GPC6: variants seen among roughly 807,000 people sequenced by gnomAD.
GPC6 encodes glypican 6, also known as glypican-6.
In GPC6, 14 loss-of-function variants were observed where a neutral mutation model predicts 55.2. That is an observed-to-expected ratio of 0.25 (90% CI 0.17 to 0.40). The LOEUF is 0.40. Among genes scored for constraint, GPC6 ranks in the 10% least tolerant of loss-of-function variants. GPC6 has a pLI of 1.00. For synonymous variants in GPC6, 278 were observed against 259.6 expected, an observed-to-expected ratio of 1.07 and a Z score of -0.68; for missense variants, 641 against 708.5, an observed-to-expected ratio of 0.90 and a Z score of 1.08.
At chr13:93,913,654 A>G (rs1391563416) in intron 3 of GPC6, among the ~76,000 whole-genome samples, 2 of 152,040 alleles carry the variant, frequency 1.3e-5, no homozygotes, top group Admixed American at 6.6e-5. Context: ...GAATTAAACT[A>G]TTGTGCATTT....
At chr13:94,256,157 A>G (rs1400433038) in intron 4 of GPC6, among the ~76,000 whole-genome samples, 3 of 152,336 alleles carry the variant, frequency 2.0e-5, no homozygotes, top group East Asian at 3.9e-4. Context: ...GATCTCAGAC[A>G]TAAAACTTGA....
intron 3 of GPC6, among the ~76,000 whole-genome samples, chr13:93,849,494 A>G (rs1404915918): frequency 6.6e-6 from 1 of 152,212 alleles, no homozygotes; most frequent in Admixed American, 6.6e-5. Context: ...GAGAAGGCCC[A>G]TCTCCCTCTA....
At chr13:93,753,818 A>G (rs1884680751) in intron 2 of GPC6, among the ~76,000 whole-genome samples, 2 of 152,002 alleles carry the variant, frequency 1.3e-5, no homozygotes, top group Non-Finnish European at 1.5e-5. Context: ...GTCTTGCTCC[A>G]TCACCCATGC....
At chr13:93,774,497 C>T (rs147263131) in intron 2 of GPC6, among the ~76,000 whole-genome samples, 35 of 152,168 alleles carry the variant, frequency 2.3e-4, no homozygotes, top group Non-Finnish European at 4.1e-4. Flanking sequence ...ATTATTTTTA[C>T]CAAAATCCTA....
At chr13:93,405,776 A>T (rs886664657) in intron 1 of GPC6, among the ~76,000 whole-genome samples, 4 of 152,214 alleles carry the variant, frequency 2.6e-5, no homozygotes, top group Admixed American at 6.6e-5. Context: ...CTGGTGTGTA[A>T]TAAACTACTT....
intron 2 of GPC6, among the ~76,000 whole-genome samples, chr13:93,626,528 T>G (rs544764347): frequency 1.3e-4 from 20 of 152,110 alleles, no homozygotes; most frequent in Admixed American, 2.6e-4. Context: ...CTGGCTGGAC[T>G]CAGTGGCTCA....
intron 2 of GPC6, among the ~76,000 whole-genome samples, chr13:93,567,754 C>A (rs559871875): frequency 2.0e-5 from 3 of 152,240 alleles, no homozygotes; most frequent in Admixed American, 2.0e-4. Context: ...AAATTTTACC[C>A]TATTTATTGT....
In GPC6 at chr13:93,375,367, C is replaced by T. The variant is rs74735719; in HGVS notation, c.160+147751C>T. ...GACTGCTTAAAGAACTTGTATTTTC[C>T]AATCTGCAGAAGCAGAATTTCTTTT... On this transcript the variant is annotated intron_variant, in intron 1 of 8. Coordinates refer to ENST00000377047, the MANE Select transcript of GPC6 (RefSeq NM_005708.5). Among the ~76,000 whole-genome samples, 451 of 152,198 alleles carry T rather than the reference C, an allele frequency of 3.0e-3. 1 individual carries two copies. Among genetic ancestry groups the T allele is most frequent in the African/African-American group, 0.01 (430 of 41,528 alleles).
chr13:93,579,173 T>C (rs1180047862), intron 2 of GPC6, among the ~76,000 whole-genome samples: 1 of 152,084 alleles, frequency 6.6e-6, no homozygotes, highest in Non-Finnish European at 1.5e-5. Flanking sequence ...GACGTGGTGT[T>C]TGATAGGTCA....
At chr13:93,488,176 G>A (rs978353899) in intron 1 of GPC6, among the ~76,000 whole-genome samples, 3 of 151,910 alleles carry the variant, frequency 2.0e-5, no homozygotes, top group African/African-American at 7.3e-5. Context: ...GTGTCCAAGT[G>A]TTCTCATTGT....
chr13:94,314,421 C>T (rs1049455619), intron 6 of GPC6, among the ~76,000 whole-genome samples: 2 of 152,218 alleles, frequency 1.3e-5, no homozygotes, highest in Non-Finnish European at 2.9e-5. Context: ...ACAAATTAAA[C>T]AGAAGCTTTG....
chr13:93,662,235 T>C (rs1880954201), intron 2 of GPC6, among the ~76,000 whole-genome samples: 1 of 152,222 alleles, frequency 6.6e-6, no homozygotes. Context: ...TGTTATTTCT[T>C]GTAGTAAGTC....
At chr13:94,015,074 A>G (rs890502383) in intron 3 of GPC6, among the ~76,000 whole-genome samples, 4 of 152,186 alleles carry the variant, frequency 2.6e-5, no homozygotes, top group African/African-American at 9.6e-5. Context: ...GCTAGATCAC[A>G]TGGTAGTTTT....
intron 1 of GPC6, among the ~76,000 whole-genome samples, chr13:93,400,703 G>A (rs1344787001): frequency 6.6e-6 from 1 of 152,050 alleles, no homozygotes; most frequent in Non-Finnish European, 1.5e-5. Flanking sequence ...AATATCTCAT[G>A]TACCTCGTAG....
At chr13:93,507,665 A>G (rs962329469) in intron 1 of GPC6, among the ~76,000 whole-genome samples, 5 of 152,164 alleles carry the variant, frequency 3.3e-5, no homozygotes, top group African/African-American at 1.2e-4. Flanking sequence ...GCCAATATCG[A>G]CATGAGTGAC....
intron 6 of GPC6, among the ~76,000 whole-genome samples, chr13:94,349,572 A>C (rs1031227931): frequency 5.9e-5 from 9 of 152,100 alleles, no homozygotes; most frequent in African/African-American, 2.2e-4. Flanking sequence ...CCAGCTTCCC[A>C]TCCTCACACA....
rs1885586127 is a variant in GPC6 at position 93,779,946 on chromosome 13, T to C, written c.320-50208T>C. On this transcript the variant is annotated intron_variant, in intron 2 of 8. Coordinates refer to ENST00000377047, the MANE Select transcript of GPC6 (RefSeq NM_005708.5). ...TACTCTTTTCCACTGGTGGAGTTTG[T>C]GGTGAAGAGTTGAGGACATTCTTTT... Among the ~76,000 whole-genome samples the C allele has an allele frequency of 2.0e-5, 3 of 152,282 alleles. No homozygotes were observed. In the South Asian group the frequency reaches 6.2e-4, roughly 32 times the overall value.
chr13:93,257,605 T>C lies in GPC6; in HGVS notation c.160+29989T>C, dbSNP rs116530329. Among the ~76,000 whole-genome samples the C allele has an allele frequency of 7.1e-3, 1,076 of 152,300 alleles. 10 individuals are homozygous for C. The highest frequency in any genetic ancestry group is 0.024 in the African/African-American group (1,016 of 41,570). ...AGGTCCCACATATTGTTTTAAACTC[T>C]TGTAGTATCTCGCATAATCCTTACA... is the stretch of plus-strand genomic sequence containing the variant. On this transcript the variant is annotated intron_variant, in intron 1 of 8. Coordinates refer to ENST00000377047, the MANE Select transcript of GPC6 (RefSeq NM_005708.5).
chr13:93,756,321 C>T (rs1204472178), intron 2 of GPC6, among the ~76,000 whole-genome samples: 1 of 152,098 alleles, frequency 6.6e-6, no homozygotes, highest in Admixed American at 6.6e-5. Flanking sequence ...AATAACACCC[C>T]CACCCATTTT....
Sources: gnomAD v4.1 joint callset for allele counts (sites outside exome capture counted in the v4.1 genomes callset) on GRCh38, gnomAD v4.1.1 for gene constraint, MANE v1.5 for transcripts, NCBI Gene and HGNC (gene_info 2026-07-23, HGNC 2026-07-21) for gene names.